The following MAGI3 variants were observed in gnomAD, a reference collection of about 807,000 sequenced individuals.
MAGI3 encodes the protein membrane-associated guanylate kinase, WW and PDZ domain-containing protein 3.
Under a neutral mutation model 121.8 loss-of-function variants are expected in MAGI3, and 43 were observed. That is an observed-to-expected ratio of 0.35 (90% CI 0.28 to 0.46). The LOEUF (loss-of-function observed/expected upper bound fraction) is 0.46, where lower values mean the gene tolerates loss of function less well. Ranked by LOEUF, MAGI3 falls within the 20% of genes least tolerant of loss-of-function variation. The probability of loss-of-function intolerance (pLI) is 1.00; values close to 1 mark genes in which losing one functional copy is unlikely to be tolerated. For synonymous variants in MAGI3, 553 were observed against 639.3 expected (o/e 0.86, Z 2.04); for missense variants, 1,547 against 1,797.3 (o/e 0.86, Z 2.52).
intron 1 of MAGI3, among the ~76,000 whole-genome samples, chr1:113,539,005 C>T (rs1266521504): frequency 6.6e-6 from 1 of 152,042 alleles, no homozygotes; most frequent in Non-Finnish European, 1.5e-5. Flanking sequence ...ATTTGGTTTC[C>T]AGTTTGTAAA....
intron 1 of MAGI3, chr1:113,449,566 G>A: frequency 3.2e-6 from 2 of 624,058 alleles, no homozygotes; most frequent in Non-Finnish European, 5.7e-6. Flanking sequence ...TGGAGATTCT[G>A]GATAAATTAT....
At chr1:113,480,628 G>A (rs1319744500) in intron 1 of MAGI3, among the ~76,000 whole-genome samples, 1 of 152,194 alleles carries the variant, frequency 6.6e-6, no homozygotes, top group African/African-American at 2.4e-5. Flanking sequence ...ACACTGTGCT[G>A]TGCAGGGTAG....
At chr1:113,439,019 C>T (rs1653782805) in intron 1 of MAGI3, among the ~76,000 whole-genome samples, 1 of 152,184 alleles carries the variant, frequency 6.6e-6, no homozygotes, top group African/African-American at 2.4e-5. Context: ...GCCAGCATCA[C>T]TATTCTTGAG....
intron 9 of MAGI3, among the ~76,000 whole-genome samples, chr1:113,627,584 T>A (rs1651321578): frequency 6.8e-6 from 1 of 148,134 alleles, no homozygotes; most frequent in Non-Finnish European, 1.5e-5. Flanking sequence ...ATAATATATA[T>A]CATATATTAT....
chr1:113,538,106 A>G (rs1336727685), intron 1 of MAGI3, among the ~76,000 whole-genome samples: 1 of 152,220 alleles, frequency 6.6e-6, no homozygotes, highest in African/African-American at 2.4e-5. Context: ...GGTTAATTAT[A>G]TCAGCCTACT....
chr1:113,669,405 A>T (rs530982103), intron 16 of MAGI3, among the ~76,000 whole-genome samples: 2 of 152,218 alleles, frequency 1.3e-5, no homozygotes, highest in Non-Finnish European at 2.9e-5. Flanking sequence ...TTGTGATCAC[A>T]GTGTGCTTAA....
chr1:113,670,567 C>T (rs1647485735), intron 16 of MAGI3, among the ~76,000 whole-genome samples: 1 of 152,008 alleles, frequency 6.6e-6, no homozygotes, highest in Non-Finnish European at 1.5e-5. Flanking sequence ...TTTTATAAAG[C>T]AAGGTAAAGA....
chr1:113,476,407 T>G (rs1655822580), intron 1 of MAGI3, among the ~76,000 whole-genome samples: 5 of 152,244 alleles, frequency 3.3e-5, no homozygotes, highest in Admixed American at 2.6e-4. Flanking sequence ...GTCCCAGAGA[T>G]TCTGGTAAGT....
intron 1 of MAGI3, chr1:113,449,853 C>T (rs12025806): frequency 0.15 from 219,380 of 1,439,862 alleles, 23,084 homozygotes; most frequent in East Asian, 0.59. Context: ...CCAAACAAAA[C>T]GTTCCAGGGG....
intron 1 of MAGI3, among the ~76,000 whole-genome samples, chr1:113,420,595 T>C (rs1389001654): frequency 6.6e-6 from 1 of 152,238 alleles, no homozygotes; most frequent in African/African-American, 2.4e-5. Flanking sequence ...TAAAAAGTTA[T>C]GTGGAAAGGA....
At chr1:113,427,641 C>T (rs1653079066) in intron 1 of MAGI3, among the ~76,000 whole-genome samples, 3 of 152,150 alleles carry the variant, frequency 2.0e-5, no homozygotes, top group South Asian at 4.1e-4. Context: ...ACCGTACCTT[C>T]CAAAGTTTTC....
At chr1:113,674,821 C>T (rs1571035311) in intron 19 of MAGI3, among the ~76,000 whole-genome samples, 2 of 152,114 alleles carry the variant, frequency 1.3e-5, no homozygotes, top group East Asian at 3.8e-4. Flanking sequence ...TATCCTCCCT[C>T]AAAATGACCA....
At chr1:113,609,884 TAAAC>T (rs1234840464) in intron 6 of MAGI3, among the ~76,000 whole-genome samples, 2 of 152,176 alleles carry the variant, frequency 1.3e-5, no homozygotes, top group African/African-American at 4.8e-5. Flanking sequence ...GTATCAAAAA[TAAAC>T]AAACAAATTT....
chr1:113,584,278 G>A (rs897008098), intron 3 of MAGI3, among the ~76,000 whole-genome samples: 1 of 152,102 alleles, frequency 6.6e-6, no homozygotes, highest in Non-Finnish European at 1.5e-5. Context: ...TGTTAATGTG[G>A]CTAGACCTGT....
intron 2 of MAGI3, among the ~76,000 whole-genome samples, chr1:113,573,050 C>T (rs758037239): frequency 1.3e-5 from 2 of 152,002 alleles, no homozygotes; most frequent in Non-Finnish European, 2.9e-5. Flanking sequence ...CTCAGCCTCC[C>T]AAGTAGCTGG....
chr1:113,511,686 C>A (rs539540221), intron 1 of MAGI3, among the ~76,000 whole-genome samples: 35 of 152,334 alleles, frequency 2.3e-4, no homozygotes, highest in African/African-American at 8.4e-4. Context: ...CAACCTTGAA[C>A]AGGTCCTTGT....
At chr1:113,419,526 G>A (rs1652626921) in intron 1 of MAGI3, among the ~76,000 whole-genome samples, 1 of 152,170 alleles carries the variant, frequency 6.6e-6, no homozygotes, top group Non-Finnish European at 1.5e-5. Flanking sequence ...CTTTGTTGGA[G>A]AGAAAGTGTA....
intron 8 of MAGI3, among the ~76,000 whole-genome samples, chr1:113,621,368 T>C (rs558019296): frequency 1.2e-3 from 189 of 152,226 alleles, no homozygotes; most frequent in Admixed American, 2.4e-3. Context: ...AAAATATGTG[T>C]TGGATTTGAC....
At chr1:113,463,174 T>C (rs919361116) in intron 1 of MAGI3, among the ~76,000 whole-genome samples, 1 of 151,990 alleles carries the variant, frequency 6.6e-6, no homozygotes, top group Non-Finnish European at 1.5e-5. Context: ...GTATTAAATA[T>C]CCCATTGGAG....
Sources: gnomAD v4.1 joint callset for allele counts (sites outside exome capture counted in the v4.1 genomes callset) on GRCh38, gnomAD v4.1.1 for gene constraint, MANE v1.5 for transcripts, NCBI Gene and HGNC (gene_info 2026-07-23, HGNC 2026-07-21) for gene names.